Variants in KCNN1 observed in about 807,000 individuals in gnomAD.
KCNN1 encodes the protein small conductance calcium-activated potassium channel protein 1.
In KCNN1, 20 loss-of-function variants were observed where a neutral mutation model predicts 44.7. The observed-to-expected ratio is 0.45, with a 90% CI of 0.32 to 0.65. The LOEUF is 0.65. Ranked by LOEUF, KCNN1 falls within the 30% of genes least tolerant of loss-of-function variation. KCNN1 has a pLI of 0.05. For synonymous variants in KCNN1, 324 were observed against 341.7 expected (o/e 0.95, Z 0.57); for missense variants, 632 against 785.3 (o/e 0.80, Z 2.33).
intron 5 of KCNN1, 126 bp downstream of exon 5, chr19:17,985,579 TC>T: frequency 1.2e-6 from 1 of 819,102 alleles, no homozygotes; most frequent in Non-Finnish European, 1.8e-6. Flanking sequence ...TCAGCGTCCC[TC>T]CATCTGTCAG....
upstream of KCNN1, among the ~76,000 whole-genome samples, chr19:17,966,170 CCAAAG>C (rs2031805028): frequency 9.9e-5 from 15 of 152,284 alleles, no homozygotes; most frequent in South Asian, 8.3e-4. Flanking sequence ...CTGACCTGGG[CCAAAG>C]CTCTGGGCTG....
intron 2 of KCNN1, among the ~76,000 whole-genome samples, chr19:17,955,315 C>T (rs1217001036): frequency 6.7e-6 from 1 of 150,032 alleles, no homozygotes; most frequent in African/African-American, 2.4e-5. Flanking sequence ...AATCCCAGCA[C>T]TTTGGGAGGC....
intron 2 of KCNN1, among the ~76,000 whole-genome samples, chr19:17,958,748 A>G (rs1219899688): frequency 6.6e-6 from 1 of 151,408 alleles, no homozygotes; most frequent in African/African-American, 2.4e-5. Context: ...CCCAGGCTGG[A>G]GTGCAGTGGC....
chr19:17,965,935 T>G (rs2031791411), upstream of KCNN1, among the ~76,000 whole-genome samples: 1 of 151,984 alleles, frequency 6.6e-6, no homozygotes. Context: ...CTCTGAGCCA[T>G]CACCTGGCCC....
intron 2 of KCNN1, among the ~76,000 whole-genome samples, chr19:17,957,196 GA>G (rs1599993000): frequency 9.0e-6 from 1 of 111,660 alleles, no homozygotes; most frequent in East Asian, 3.0e-4. Context: ...GAGGGGAGGA[GA>G]GGGGAGGAGA....
chr19:17,982,482 G>T, intron 4 of KCNN1: 1 of 903,060 alleles, frequency 1.1e-6, no homozygotes, highest in Non-Finnish European at 1.3e-6. Flanking sequence ...AGCAGGCACA[G>T]GGATGCCTCC....
chr19:17,967,112 C>T lies in KCNN1; in HGVS notation c.-287C>T. 4.1e-6 allele frequency: 4 copies of T among 979,294 alleles called. No individual in the cohort carries two copies. The highest frequency in any genetic ancestry group is 4.7e-5 in the South Asian group (1 of 21,242). The allele number at this position is 979,294 out of a possible 1,614,324, so 60.7% of individuals were successfully genotyped here. A position where few individuals can be genotyped will look rare whatever the true frequency, so the allele number is the denominator to read the frequency against. ...CCTTCTCTCCCGGCCCGGGCGGGCG[C>T]TCGCCCCCCGCCGGGCCCGTGGACT... On this transcript the variant is annotated 5_prime_UTR_variant, in exon 1 of 10. Coordinates refer to ENST00000684775, the MANE Select transcript of KCNN1 (RefSeq NM_001386974.1).
Position 17,981,701 on chromosome 19 carries a change from C to T in KCNN1, c.499-8C>T, listed in dbSNP as rs2145945576. 2 of 1,568,076 alleles carry T rather than the reference C, an allele frequency of 1.3e-6. No individual in the cohort carries two copies. Among genetic ancestry groups the T allele is most frequent in the South Asian group, 1.2e-5 (1 of 84,378 alleles). Reference sequence around the variant, plus strand: ...CACCCATGGCTGGTTCCCTCCCGCCCTCCACAGCTGTTCATGGTGGACAAC... The same window carrying T: ...CACCCATGGCTGGTTCCCTCCCGCCTTCCACAGCTGTTCATGGTGGACAAC... On this transcript the variant is annotated splice_region_variant and splice_polypyrimidine_tract_variant and intron_variant, in intron 3 of 9. Transcript: ENST00000684775.
Position 17,998,304 on chromosome 19 carries a change from C to G in KCNN1, c.1530C>G (p.Pro510=), listed in dbSNP as rs79087326. 2.3e-4 allele frequency: 360 copies of G among 1,542,934 alleles called. 3 individuals carry two copies. In the South Asian group the frequency reaches 3.5e-3, roughly 15 times the overall value. ...PGLIAQAIRP[P]PPPLPPRPGP... ...TCATCGCCCAAGCCATACGCCCACC[C>G]CCGCCTCCCCTGCCTCCCAGGCCCG... Residue 510 remains proline, a synonymous_variant, in exon 10 of 10, where the codon CCC becomes CCG. Coordinates refer to ENST00000684775, the MANE Select transcript of KCNN1 (RefSeq NM_001386974.1). The surrounding 1 kb of genome is among the most constrained non-coding windows in gnomAD (Gnocchi z 5.4).
At chr19:17,978,420 G>C (rs2032282513) in intron 3 of KCNN1, among the ~76,000 whole-genome samples, 1 of 140,108 alleles carries the variant, frequency 7.1e-6, no homozygotes, top group South Asian at 2.3e-4. Context: ...CCACTGCCCA[G>C]CCTGTTTTTT....
In KCNN1 at chr19:17,993,510, A is replaced by T; in HGVS notation, c.1328A>T (p.Glu443Val). 6.2e-7 allele frequency: 1 copy of T among 1,613,416 alleles called. No individual in the cohort carries two copies. Residue 443 changes from glutamate to valine, a missense_variant, in exon 9 of 10, where the codon GAG (glutamate) becomes GTG (valine). Glu to Val is a moderately radical substitution (Grantham distance 121). This residue lies in a region of KCNN1 where 237 missense variants were observed against 253.0 expected (regional missense o/e 0.94). Transcript: ENST00000684775. The surrounding 1 kb of genome is among the most constrained non-coding windows in gnomAD (Gnocchi z 4.5). ...CACAGGCTCCGGAGTGTGAAGATCG[A>T]GCAAGGGAAGCTGAACGACCAGGCT... Reference protein sequence around the residue: ...QAQKLRSVKIEQGKLNDQANT... With the variant: ...QAQKLRSVKIVQGKLNDQANT...
At chr19:17,980,081 G>A (rs1342360880) in intron 3 of KCNN1, among the ~76,000 whole-genome samples, 1 of 142,218 alleles carries the variant, frequency 7.0e-6, no homozygotes, top group African/African-American at 2.6e-5. Flanking sequence ...TTTTTTTATC[G>A]AGACAAGAGT....
At chr19:17,996,957 G>C (rs752781728) in intron 9 of KCNN1, among the ~76,000 whole-genome samples, 1 of 152,228 alleles carries the variant, frequency 6.6e-6, no homozygotes, top group Non-Finnish European at 1.5e-5. Flanking sequence ...AGGCCGCCGC[G>C]GGGTGGCAAA....
intron 3 of KCNN1, among the ~76,000 whole-genome samples, chr19:17,980,228 ATTTTTTTTTTTTTTTTTTTTTT>A (rs34810089): frequency 2.2e-5 from 1 of 44,530 alleles, no homozygotes; most frequent in Non-Finnish European, 3.9e-5. Context: ...CACCTAGCTA[ATTTTTTTTTTTTTTTTTTTTTT>A]TTTTTTTTTG....
At chr19:17,957,694 G>A (rs1294667438) in intron 2 of KCNN1, among the ~76,000 whole-genome samples, 1 of 152,126 alleles carries the variant, frequency 6.6e-6, no homozygotes, top group Non-Finnish European at 1.5e-5. Flanking sequence ...CGGCAGGTAG[G>A]AGCCAAGCTA....
At chr19:17,981,426 C>T (rs2032400908) in intron 3 of KCNN1, among the ~76,000 whole-genome samples, 2 of 151,586 alleles carry the variant, frequency 1.3e-5, no homozygotes, top group South Asian at 4.2e-4. Flanking sequence ...GTGGGGCAAG[C>T]CTGTAATTCC....
intron 3 of KCNN1, among the ~76,000 whole-genome samples, chr19:17,977,135 G>A (rs1255360778): frequency 1.3e-5 from 2 of 152,164 alleles, no homozygotes; most frequent in South Asian, 2.1e-4. Context: ...TGAGAGCCAT[G>A]AGAGACAATC....
rs1174092832 is a variant in KCNN1, at chr19:17,974,505, C to T, written c.402+215C>T. The stretch of plus-strand genomic sequence containing the variant: ...AGGAAGGTTCCAGCCCATTCCCTGG[C>T]CAGGTGTCAAGGGGCTGCACCCTGG... On this transcript the variant is annotated intron_variant, in intron 2 of 9. Transcript: ENST00000684775. This position sits in a 1 kb window ranked among gnomAD's most constrained non-coding sequence, Gnocchi z 7.3. Among the ~76,000 whole-genome samples, 1 of 152,154 alleles carries T rather than the reference C, an allele frequency of 6.6e-6. No individual in the cohort carries two copies. Among genetic ancestry groups the T allele is most frequent in the Non-Finnish European group, 1.5e-5 (1 of 67,994 alleles).
At chr19:17,955,591 A>G (rs971446136) in intron 2 of KCNN1, among the ~76,000 whole-genome samples, 1 of 149,878 alleles carries the variant, frequency 6.7e-6, no homozygotes, top group Non-Finnish European at 1.5e-5. Flanking sequence ...AAAGAAAGAA[A>G]AAAAATAATA....
Sources: allele counts gnomAD v4.1 joint callset (sites outside exome capture counted in the v4.1 genomes callset), GRCh38; gene constraint gnomAD v4.1.1; regional missense constraint gnomAD v4.1.1; non-coding constraint Gnocchi (gnomAD v3.1); transcripts MANE v1.5; gene names NCBI Gene and HGNC (gene_info 2026-07-23, HGNC 2026-07-21).